Variants in CSGALNACT1 observed in about 807,000 individuals in gnomAD.
CSGALNACT1 encodes chondroitin sulfate N-acetylgalactosaminyltransferase 1, also known as beta4GalNAcT-1.
In CSGALNACT1, 52 loss-of-function variants were observed where a neutral mutation model predicts 51.0. The ratio of observed to expected loss-of-function variants is 1.02; its 90% CI spans 0.82 to 1.29. The LOEUF (loss-of-function observed/expected upper bound fraction) is 1.29. Ranked by LOEUF, CSGALNACT1 falls within the 50% of genes most tolerant of loss-of-function variation. The pLI, the probability that CSGALNACT1 is intolerant of heterozygous loss-of-function variation, is 0.00. For missense variants in CSGALNACT1, 935 were observed against 679.2 expected (o/e 1.38, Z -4.19); for synonymous variants, 341 against 254.4 (o/e 1.34, Z -3.24).
chr8:19,659,045 C>A (rs1183857892), intron 1 of CSGALNACT1, among the ~76,000 whole-genome samples: 1 of 152,078 alleles, frequency 6.6e-6, no homozygotes, highest in African/African-American at 2.4e-5. Context: ...TAAATTCTCA[C>A]TGAAAAGGCA....
At chr8:19,669,990 T>C (rs1392307781) in intron 1 of CSGALNACT1, among the ~76,000 whole-genome samples, 1 of 152,182 alleles carries the variant, frequency 6.6e-6, no homozygotes, top group Non-Finnish European at 1.5e-5. Context: ...CTTTTATATT[T>C]TATTATTTCC....
chr8:19,532,573 A>T (rs781519480), intron 3 of CSGALNACT1, among the ~76,000 whole-genome samples: 61 of 152,222 alleles, frequency 4.0e-4, no homozygotes, highest in Middle Eastern at 3.4e-3. Context: ...TTCAATCATG[A>T]TTTTCAAAAA....
At chr8:19,501,246 CAAAAAAAAAAAAAA>C (rs35069773) in intron 4 of CSGALNACT1, among the ~76,000 whole-genome samples, 2 of 83,626 alleles carry the variant, frequency 2.4e-5, no homozygotes, top group African/African-American at 4.7e-5. Flanking sequence ...GACTCCGTCT[CAAAAAAAAAAAAAA>C]AAAAAAAAAG....
chr8:19,682,345 G>C (rs142306493), intron 1 of CSGALNACT1: 3,353 of 298,236 alleles, frequency 0.011, 38 homozygotes, highest in Non-Finnish European at 0.017. Context: ...CTAATGAGTT[G>C]GCAAGCTCAC....
At chr8:19,722,488 T>C (rs559594972) in intron 1 of CSGALNACT1, among the ~76,000 whole-genome samples, 1 of 152,250 alleles carries the variant, frequency 6.6e-6, no homozygotes, top group East Asian at 1.9e-4. Flanking sequence ...AAATAGGTAT[T>C]AGGTTTCAGA....
intron 3 of CSGALNACT1, among the ~76,000 whole-genome samples, chr8:19,513,111 G>C (rs577375341): frequency 6.6e-4 from 101 of 152,090 alleles, no homozygotes; most frequent in Middle Eastern, 3.4e-3. Flanking sequence ...CATGCTTCCT[G>C]TTCCAAAAGT....
At position 19,464,162 on chromosome 8, in the gene CSGALNACT1, C is replaced by T. The variant is rs185510605; in HGVS notation, c.635-5520G>A. Among the ~76,000 whole-genome samples the T allele has an allele frequency of 1.9e-3, 285 of 152,296 alleles. 1 individual carries two copies. The highest frequency in any genetic ancestry group is 6.7e-3 in the African/African-American group (279 of 41,564). On this transcript the variant is annotated intron_variant, in intron 4 of 9. Transcript: ENST00000454498. ...TCATTCTCAACAGTCCCCATTCACC[C>T]ACATTCATTCTCAGTCTCCACATTC...
upstream of CSGALNACT1, among the ~76,000 whole-genome samples, chr8:19,604,674 G>T (rs58409345): frequency 6.6e-6 from 1 of 151,026 alleles, no homozygotes; most frequent in East Asian, 1.9e-4. Context: ...TTGGGAGGCC[G>T]AGGCGGGCAG....
chr8:19,700,955 A>G (rs559639617), intron 1 of CSGALNACT1, among the ~76,000 whole-genome samples: 1 of 152,186 alleles, frequency 6.6e-6, no homozygotes, highest in South Asian at 2.1e-4. Flanking sequence ...GGGATAGCCA[A>G]TGAAATGTCA....
At chr8:19,582,865 A>G (rs2045882808) in intron 3 of CSGALNACT1, among the ~76,000 whole-genome samples, 1 of 152,174 alleles carries the variant, frequency 6.6e-6, no homozygotes, top group African/African-American at 2.4e-5. Context: ...TTTGCTATTA[A>G]TTGTAGTAAA....
chr8:19,670,653 A>C (rs1385340517), intron 1 of CSGALNACT1, among the ~76,000 whole-genome samples: 72 of 74,216 alleles, frequency 9.7e-4, no homozygotes, highest in African/African-American at 2.9e-3. Context: ...CTGAAGACAA[A>C]AAAAAAAAAA....
At position 19,507,536 on chromosome 8, in the gene CSGALNACT1, A is replaced by G. The variant is rs1352710248; in HGVS notation, c.-296-1406T>C. Among the ~76,000 whole-genome samples the G allele has an allele frequency of 6.9e-3, 1,047 of 150,914 alleles. 23 individuals are homozygous for G. Among genetic ancestry groups the G allele is most frequent in the African/African-American group, 0.024 (1,007 of 41,106 alleles). ...CCTACCCATCTTAGCCAGAAAAAAA[A>G]AAAAAAAAAAAAAAAAGAATGATTA... On this transcript the variant is annotated intron_variant, in intron 3 of 9. Coordinates refer to ENST00000454498, the Ensembl canonical transcript of CSGALNACT1.
At chr8:19,720,216 A>C (rs2063041590) in intron 1 of CSGALNACT1, among the ~76,000 whole-genome samples, 1 of 152,222 alleles carries the variant, frequency 6.6e-6, no homozygotes, top group East Asian at 1.9e-4. Context: ...CCAGCATTTT[A>C]GGTTTTCCAT....
At chr8:19,438,968 G>A (rs2153747351) in intron 6 of CSGALNACT1, among the ~76,000 whole-genome samples, 1 of 152,292 alleles carries the variant, frequency 6.6e-6, no homozygotes, top group East Asian at 1.9e-4. Context: ...ATATCTAAAT[G>A]ATATGGATCT....
chr8:19,449,063 ATCAG>A (rs2153792652), intron 5 of CSGALNACT1, among the ~76,000 whole-genome samples: 1 of 152,210 alleles, frequency 6.6e-6, no homozygotes, highest in South Asian at 2.1e-4. Context: ...GAGTAGTCTG[ATCAG>A]TGTTAAGAAA....
At chr8:19,573,591 G>C (rs1449102043) in intron 3 of CSGALNACT1, among the ~76,000 whole-genome samples, 2 of 152,094 alleles carry the variant, frequency 1.3e-5, no homozygotes, top group Non-Finnish European at 2.9e-5. Context: ...TTATAGGTGT[G>C]AATCACCACA....
intron 4 of CSGALNACT1, among the ~76,000 whole-genome samples, chr8:19,504,516 G>C (rs1309405131): frequency 2.0e-5 from 3 of 152,194 alleles, no homozygotes; most frequent in African/African-American, 7.2e-5. Flanking sequence ...AACTGGACAA[G>C]GCTGCTGTCT....
chr8:19,536,264 ATG>A (rs2083718053), intron 3 of CSGALNACT1, among the ~76,000 whole-genome samples: 1 of 152,160 alleles, frequency 6.6e-6, no homozygotes, highest in Non-Finnish European at 1.5e-5. Context: ...GAGGCTACAC[ATG>A]CGTAAAGGCA....
upstream of CSGALNACT1, among the ~76,000 whole-genome samples, chr8:19,603,836 A>G (rs568995583): frequency 6.6e-6 from 1 of 152,320 alleles, no homozygotes; most frequent in Admixed American, 6.5e-5. Context: ...TTTAACAATG[A>G]AAACAAATAG....
Sources: allele counts gnomAD v4.1 joint callset (sites outside exome capture counted in the v4.1 genomes callset), GRCh38; gene constraint gnomAD v4.1.1; transcripts MANE v1.5; gene names NCBI Gene and HGNC (gene_info 2026-07-23, HGNC 2026-07-21).